Variants in CALN1 observed in about 807,000 individuals in gnomAD.
The protein encoded by CALN1 is calneuron 1, also known as calcium-binding protein 8.
A neutral mutation model predicts 30.6 loss-of-function variants in CALN1; 17 were observed. That is an observed-to-expected ratio of 0.56 (90% CI 0.38 to 0.83). CALN1 has a LOEUF of 0.83. Among genes scored for constraint, CALN1 ranks in the 40% least tolerant of loss-of-function variants. The pLI is 0.00. For synonymous variants in CALN1, 156 were observed against 131.4 expected (o/e 1.19, Z -1.28); for missense variants, 291 against 354.9 (o/e 0.82, Z 1.45).
intron 3 of CALN1, among the ~76,000 whole-genome samples, chr7:72,268,027 A>C (rs1249104470): frequency 1.3e-5 from 2 of 152,182 alleles, no homozygotes; most frequent in African/African-American, 2.4e-5. Context: ...TAAATAAATA[A>C]ATAAAAATTA....
intron 5 of CALN1, among the ~76,000 whole-genome samples, chr7:71,922,806 TATAA>T (rs1225513975): frequency 5.0e-5 from 7 of 140,864 alleles, no homozygotes; most frequent in Non-Finnish European, 9.0e-5. Context: ...ATATATTATA[TATAA>T]ATATATAATA....
intron 1 of CALN1, among the ~76,000 whole-genome samples, chr7:72,443,723 C>G (rs997492279): frequency 6.6e-6 from 1 of 151,896 alleles, no homozygotes; most frequent in Non-Finnish European, 1.5e-5. Flanking sequence ...AGCCCCCATC[C>G]CTTTACTTGA....
intron 2 of CALN1, among the ~76,000 whole-genome samples, chr7:72,387,326 A>G (rs1054736247): frequency 1.6e-5 from 2 of 126,030 alleles, no homozygotes; most frequent in Non-Finnish European, 3.4e-5. Context: ...TCTCCCATAT[A>G]CAAGAATTCC....
chr7:71,981,680 A>G (rs1798402086), intron 5 of CALN1, among the ~76,000 whole-genome samples: 1 of 152,014 alleles, frequency 6.6e-6, no homozygotes, highest in Admixed American at 6.6e-5. Context: ...AAACCAAAAA[A>G]AAAAACAAGA....
At position 72,336,816 on chromosome 7, in the gene CALN1, G is replaced by C. The variant is rs997743482; in HGVS notation, c.120-58006C>G. On this transcript the variant is annotated intron_variant, in intron 2 of 6. Coordinates refer to ENST00000395275, the MANE Select transcript of CALN1 (RefSeq NM_031468.4). The stretch of plus-strand genomic sequence containing the variant: ...GCGGTGCGGAATGGATGCGCCGAGC[G>C]GGCAGCGCTCAGCCTCTCGCTCACA... 1.0e-4 allele frequency: 100 copies of C among 984,952 alleles called. No individual in the cohort carries two copies. In the Middle Eastern group the frequency reaches 2.6e-3, roughly 25 times the overall value. 61.0% of individuals were successfully genotyped at this position (984,952 alleles called of 1,614,324 possible). A position where few individuals can be genotyped will look rare whatever the true frequency, so the allele number is the denominator to read the frequency against.
intron 5 of CALN1, among the ~76,000 whole-genome samples, chr7:71,824,197 T>C (rs897467952): frequency 2.0e-5 from 3 of 150,890 alleles, no homozygotes; most frequent in Non-Finnish European, 3.0e-5. Context: ...AGCCAAGAGG[T>C]TGGATAATGT....
chr7:71,862,889 G>A (rs1208769222), intron 5 of CALN1, among the ~76,000 whole-genome samples: 1 of 152,144 alleles, frequency 6.6e-6, no homozygotes, highest in Non-Finnish European at 1.5e-5. Flanking sequence ...ACAGAGAAGA[G>A]GAAATCCCAT....
chr7:72,020,066 T>C (rs1181802521), intron 5 of CALN1, among the ~76,000 whole-genome samples: 1 of 152,116 alleles, frequency 6.6e-6, no homozygotes, highest in Non-Finnish European at 1.5e-5. Flanking sequence ...TTTTTATTTT[T>C]GTTTTATTTT....
the CALN1 span, among the ~76,000 whole-genome samples, chr7:72,486,726 A>G: frequency 8.5e-5 from 13 of 152,166 alleles, no homozygotes; most frequent in Admixed American, 6.6e-5. Context: ...TAGGTCTAAA[A>G]AAGTGTTTTT....
At chr7:71,893,127 C>G (rs1562877868) in intron 5 of CALN1, among the ~76,000 whole-genome samples, 1 of 152,084 alleles carries the variant, frequency 6.6e-6, no homozygotes, top group Non-Finnish European at 1.5e-5. Flanking sequence ...GCTATCTTAT[C>G]CTGGTGGTTC....
intron 6 of CALN1, among the ~76,000 whole-genome samples, chr7:71,798,651 T>C (rs1357092080): frequency 6.7e-6 from 1 of 149,528 alleles, no homozygotes; most frequent in Non-Finnish European, 1.5e-5. Context: ...AGATGGAGTT[T>C]TGCTCTGTCA....
At chr7:72,324,887 A>T (rs1248766401) in intron 2 of CALN1, among the ~76,000 whole-genome samples, 1 of 152,130 alleles carries the variant, frequency 6.6e-6, no homozygotes, top group Non-Finnish European at 1.5e-5. Flanking sequence ...CTCAGTCTCA[A>T]ATTTTTCCCT....
Position 72,118,901 on chromosome 7 carries a change from C to G in CALN1, c.245-12607G>C, listed in dbSNP as rs775267528. ...CTGCAAGTCCAGAGGATCAACAAGG[C>G]AACTGCTCCTCCAAAAAAGCATGAA... is the stretch of plus-strand genomic sequence containing the variant. On this transcript the variant is annotated intron_variant, in intron 3 of 6. Transcript: ENST00000395275. 2.8e-4 allele frequency among the ~76,000 whole-genome samples: 43 copies of G among 152,168 alleles called. 1 individual carries two copies. Among genetic ancestry groups the G allele is most frequent in the Admixed American group, 3.3e-4 (5 of 15,284 alleles).
At chr7:72,328,247 A>G (rs138791778) in intron 2 of CALN1, among the ~76,000 whole-genome samples, 5 of 152,320 alleles carry the variant, frequency 3.3e-5, no homozygotes, top group Non-Finnish European at 7.3e-5. Context: ...TTGAATTGCA[A>G]TAATACTCAC....
intron 3 of CALN1, among the ~76,000 whole-genome samples, chr7:72,209,116 T>C (rs1792130812): frequency 7.0e-6 from 1 of 141,848 alleles, no homozygotes; most frequent in Non-Finnish European, 1.5e-5. Flanking sequence ...TCTCTCTTTT[T>C]TACTCCTTCC....
chr7:72,282,073 A>G (rs1369362689), intron 2 of CALN1, among the ~76,000 whole-genome samples: 1 of 152,232 alleles, frequency 6.6e-6, no homozygotes, highest in Non-Finnish European at 1.5e-5. Context: ...AGTCATGTTC[A>G]AGAAAGGGAA....
intron 3 of CALN1, among the ~76,000 whole-genome samples, chr7:72,259,389 C>A: frequency 6.6e-6 from 1 of 152,052 alleles, no homozygotes; most frequent in Non-Finnish European, 1.5e-5. Flanking sequence ...ACCATTCCAC[C>A]CTATCCAGAC....
chr7:72,076,611 CAAAAAAAA>C (rs572245834), intron 4 of CALN1, among the ~76,000 whole-genome samples: 43 of 6,108 alleles, frequency 7.0e-3, no homozygotes, highest in South Asian at 0.011. Flanking sequence ...AAAAAAAAAG[CAAAAAAAA>C]AAAAAAAAAA....
At chr7:72,043,947 C>T (rs1210279611) in intron 4 of CALN1, among the ~76,000 whole-genome samples, 1 of 152,118 alleles carries the variant, frequency 6.6e-6, no homozygotes, top group Non-Finnish European at 1.5e-5. Context: ...AAGGAGAGGG[C>T]TTGTGTAGAG....
Sources: allele counts gnomAD v4.1 joint callset (sites outside exome capture counted in the v4.1 genomes callset), GRCh38; gene constraint gnomAD v4.1.1; transcripts MANE v1.5; gene names NCBI Gene and HGNC (gene_info 2026-07-23, HGNC 2026-07-21).